REPS2: variants seen among roughly 807,000 people sequenced by gnomAD.
REPS2 encodes the protein ralBP1-associated Eps domain-containing protein 2.
REPS2 carries 23 observed loss-of-function variants against 53.6 expected under a neutral mutation model. That is an observed-to-expected ratio of 0.43 (90% CI 0.31 to 0.61). REPS2 has a LOEUF of 0.61. REPS2 is among the 20% of genes least tolerant of loss of function. REPS2 has a pLI of 0.11. For synonymous variants in REPS2, 238 were observed against 218.6 expected, an observed-to-expected ratio of 1.09 and a Z score of -0.78; for missense variants, 446 against 534.9, an observed-to-expected ratio of 0.83 and a Z score of 1.64.
chrX:16,968,619 T>C lies in REPS2; in HGVS notation c.273+21485T>C, dbSNP rs1410392927. Among the ~76,000 whole-genome samples, 105 of 62,138 alleles carry C rather than the reference T, an allele frequency of 1.7e-3. 2 individuals carry two copies. Among genetic ancestry groups the C allele is most frequent in the Admixed American group, 2.6e-3 (15 of 5,811 alleles). The allele number at this position is 62,138 out of a possible 115,157, so 54.0% of individuals were successfully genotyped here. A position where few individuals can be genotyped will look rare whatever the true frequency, so the allele number is the denominator to read the frequency against. Reference sequence around the variant, plus strand: ...CCAGGCAGAGGCGCCCCTCACCTCCTGGATGGGGCGGCTGGCCGGGCGGGG... The same window carrying C: ...CCAGGCAGAGGCGCCCCTCACCTCCCGGATGGGGCGGCTGGCCGGGCGGGG... On this transcript the variant is annotated intron_variant, in intron 1 of 17. Transcript: ENST00000357277.
At chrX:17,122,318 C>CT (rs2063152294) in intron 14 of REPS2, among the ~76,000 whole-genome samples, 1 of 112,060 alleles carries the variant, frequency 8.9e-6, no homozygotes, top group South Asian at 3.7e-4. Context: ...GGTATATACT[C>CT]TGTGTCTGGC....
chrX:16,961,092 AAAAAC>A (rs1369186611), intron 1 of REPS2, among the ~76,000 whole-genome samples: 3 of 112,241 alleles, frequency 2.7e-5, no homozygotes, highest in Non-Finnish European at 5.6e-5. Flanking sequence ...CAGAAATAGA[AAAAAC>A]AATTCTAAAA....
At chrX:16,962,824 G>T (rs2060682754) in intron 1 of REPS2, among the ~76,000 whole-genome samples, 1 of 112,555 alleles carries the variant, frequency 8.9e-6, no homozygotes, top group African/African-American at 3.2e-5. Context: ...GCCAGGCATG[G>T]TGGCTTATGC....
intron 14 of REPS2, among the ~76,000 whole-genome samples, chrX:17,110,643 G>A (rs1054090280): frequency 1.8e-5 from 2 of 109,499 alleles, no homozygotes; most frequent in African/African-American, 6.7e-5. Flanking sequence ...AGTGAGCCAA[G>A]ACCACGACAT....
the REPS2 span, among the ~76,000 whole-genome samples, chrX:17,186,317 A>G: frequency 8.9e-6 from 1 of 112,484 alleles, no homozygotes; most frequent in African/African-American, 3.2e-5. Context: ...ATTTGGGAGT[A>G]CAGTTTCACG....
chrX:17,039,875 C>T (rs1475340841), intron 5 of REPS2, among the ~76,000 whole-genome samples: 4 of 112,480 alleles, frequency 3.6e-5, no homozygotes, highest in Non-Finnish European at 5.6e-5. Flanking sequence ...CTTACAGTGC[C>T]TGGCACTTAG....
At chrX:17,160,570 G>C in the REPS2 span, among the ~76,000 whole-genome samples, 1 of 112,673 alleles carries the variant, frequency 8.9e-6, no homozygotes, top group Non-Finnish European at 1.9e-5. Context: ...AAAAGGAACA[G>C]AGAATATCTT....
the REPS2 span, among the ~76,000 whole-genome samples, chrX:17,194,320 C>A: frequency 6.3e-5 from 7 of 111,326 alleles, no homozygotes; most frequent in African/African-American, 2.3e-4. Context: ...TAGCCCAAAA[C>A]AGCTCAGATG....
At chrX:17,050,906 C>G (rs1044669918) in intron 6 of REPS2, among the ~76,000 whole-genome samples, 1 of 111,508 alleles carries the variant, frequency 9.0e-6, no homozygotes, top group Non-Finnish European at 1.9e-5. Flanking sequence ...AAGTTATTGA[C>G]TATAGTCACC....
intron 1 of REPS2, among the ~76,000 whole-genome samples, chrX:16,975,289 C>T (rs1174396448): frequency 3.6e-5 from 4 of 111,999 alleles, no homozygotes; most frequent in Non-Finnish European, 5.6e-5. Flanking sequence ...GAGGAATCGC[C>T]ACTCTGTTTT....
At chrX:17,061,289 C>T (rs1385775333) in intron 8 of REPS2, among the ~76,000 whole-genome samples, 2 of 111,698 alleles carry the variant, frequency 1.8e-5, no homozygotes, top group South Asian at 7.4e-4. Flanking sequence ...TAGATAGACA[C>T]GTAGGTAGGT....
At chrX:17,142,052 C>A (rs780356562) in intron 17 of REPS2, among the ~76,000 whole-genome samples, 15 of 111,879 alleles carry the variant, frequency 1.3e-4, no homozygotes, top group Non-Finnish European at 2.4e-4. Context: ...GATACAGAGT[C>A]CTGAAATAGA....
intron 14 of REPS2, among the ~76,000 whole-genome samples, chrX:17,116,721 A>G (rs2063060968): frequency 9.0e-6 from 1 of 111,654 alleles, no homozygotes; most frequent in African/African-American, 3.3e-5. Context: ...TTTTTGTTTT[A>G]TACCCATCTA....
chrX:17,101,060 T>C (rs1049385910), intron 13 of REPS2, among the ~76,000 whole-genome samples: 3 of 104,105 alleles, frequency 2.9e-5, no homozygotes, highest in African/African-American at 7.0e-5. Context: ...TTCTTTCTTT[T>C]TTTTTTTTTT....
At chrX:17,006,787 C>G (rs1275293887) in intron 2 of REPS2, among the ~76,000 whole-genome samples, 1 of 111,814 alleles carries the variant, frequency 8.9e-6, no homozygotes, top group Non-Finnish European at 1.9e-5. Flanking sequence ...TTCCAAAGCA[C>G]TGTTCTGATG....
Position 17,149,181 on chromosome X carries a change from T to C in REPS2, c.*1700T>C. On this transcript the variant is annotated 3_prime_UTR_variant, in exon 18 of 18. Transcript: ENST00000357277. ...TCCCCATTTGCTGCCTTTTTTGTTT[T>C]TGTGGGGGAAGGGTTGGGAGTAAGT... 2 of 247,753 alleles carry C rather than the reference T, an allele frequency of 8.1e-6. No homozygotes were observed. Among genetic ancestry groups the C allele is most frequent in the Non-Finnish European group, 1.5e-5 (2 of 132,763 alleles). The allele number at this position is 247,753 out of a possible 1,213,427, so 20.4% of individuals were successfully genotyped here.
At chrX:17,076,368 T>G (rs1569162709) in intron 12 of REPS2, among the ~76,000 whole-genome samples, 1 of 111,608 alleles carries the variant, frequency 9.0e-6, no homozygotes, top group Non-Finnish European at 1.9e-5. Context: ...CATCTACATC[T>G]TAGGGCCTTT....
chrX:16,969,087 G>A (rs1269778347), intron 1 of REPS2, among the ~76,000 whole-genome samples: 1 of 110,244 alleles, frequency 9.1e-6, no homozygotes, highest in Non-Finnish European at 1.9e-5. Context: ...CATCCCGGAT[G>A]GGGCGGCAGG....
intron 13 of REPS2, among the ~76,000 whole-genome samples, chrX:17,096,494 C>T: frequency 9.6e-6 from 1 of 104,542 alleles, no homozygotes; most frequent in East Asian, 3.0e-4. Flanking sequence ...CCCGTCTCTA[C>T]TAAAAATACA....
Sources: gnomAD v4.1 joint callset for allele counts (sites outside exome capture counted in the v4.1 genomes callset) on GRCh38, gnomAD v4.1.1 for gene constraint, MANE v1.5 for transcripts, NCBI Gene and HGNC (gene_info 2026-07-23, HGNC 2026-07-21) for gene names.